Variants in BRINP3 observed in about 807,000 individuals in gnomAD.
The protein encoded by BRINP3 is BMP/retinoic acid inducible neural specific 3.
In BRINP3, 19 loss-of-function variants were observed where a neutral mutation model predicts 71.0. The observed-to-expected ratio is 0.27, with a 90% confidence interval of 0.19 to 0.39. The LOEUF is 0.39. BRINP3 is among the 10% of genes least tolerant of loss of function. The pLI is 1.00. For synonymous variants in BRINP3, 380 were observed against 337.7 expected (o/e 1.13, Z -1.37); for missense variants, 959 against 940.8 (o/e 1.02, Z -0.25).
chr1:190,310,722 A>G (rs943634891), intron 2 of BRINP3, among the ~76,000 whole-genome samples: 3 of 151,698 alleles, frequency 2.0e-5, no homozygotes, highest in Non-Finnish European at 3.0e-5. Context: ...ATATATTCAT[A>G]GAACAGTTCC....
intron 2 of BRINP3, among the ~76,000 whole-genome samples, chr1:190,363,917 A>T (rs1032793329): frequency 1.3e-5 from 2 of 152,168 alleles, no homozygotes; most frequent in Non-Finnish European, 2.9e-5. Context: ...GGAGGTACAG[A>T]TTTGAATTGA....
At chr1:190,321,986 T>C (rs1666276108) in intron 2 of BRINP3, among the ~76,000 whole-genome samples, 1 of 152,042 alleles carries the variant, frequency 6.6e-6, no homozygotes, top group South Asian at 2.1e-4. Context: ...TTTAAAACTA[T>C]TGAAATATAT....
At chr1:190,114,057 G>T (rs1423552846) in intron 7 of BRINP3, among the ~76,000 whole-genome samples, 7 of 152,170 alleles carry the variant, frequency 4.6e-5, no homozygotes, top group Admixed American at 4.6e-4. Context: ...GTTATCCTCA[G>T]TGTTAGGGTT....
chr1:190,450,924 T>C (rs1248859766), intron 2 of BRINP3, among the ~76,000 whole-genome samples: 3 of 152,146 alleles, frequency 2.0e-5, no homozygotes, highest in Non-Finnish European at 4.4e-5. Flanking sequence ...TTTTAGACCA[T>C]CTTGTCTTTC....
At chr1:190,276,537 T>G (rs911877608) in intron 3 of BRINP3, among the ~76,000 whole-genome samples, 1 of 150,530 alleles carries the variant, frequency 6.6e-6, no homozygotes, top group Non-Finnish European at 1.5e-5. Context: ...AACTTCTGAC[T>G]TACACTTTCT....
At chr1:190,411,847 A>T (rs1672687875) in intron 2 of BRINP3, among the ~76,000 whole-genome samples, 1 of 152,224 alleles carries the variant, frequency 6.6e-6, no homozygotes, top group South Asian at 2.1e-4. Flanking sequence ...AGAAAGCTAA[A>T]TCCTAAGAGC....
intron 2 of BRINP3, among the ~76,000 whole-genome samples, chr1:190,418,199 C>A (rs1357987060): frequency 6.6e-6 from 1 of 151,894 alleles, no homozygotes; most frequent in Admixed American, 6.6e-5. Flanking sequence ...AATATTTAGC[C>A]CCCCACCATG....
intron 2 of BRINP3, among the ~76,000 whole-genome samples, chr1:190,413,206 T>C (rs1672804568): frequency 6.6e-6 from 1 of 152,134 alleles, no homozygotes; most frequent in Non-Finnish European, 1.5e-5. Flanking sequence ...TGTGTGTGTG[T>C]ATGTGCACCT....
At chr1:190,141,712 A>G (rs1366324819) in intron 7 of BRINP3, among the ~76,000 whole-genome samples, 1 of 151,678 alleles carries the variant, frequency 6.6e-6, no homozygotes. Context: ...GGCGTGTGCC[A>G]TCATGCTGGG....
chr1:190,168,116 G>A (rs1205182520), intron 6 of BRINP3, among the ~76,000 whole-genome samples: 3 of 152,080 alleles, frequency 2.0e-5, no homozygotes, highest in African/African-American at 7.2e-5. Context: ...GTGCTACTTA[G>A]AAATGTTTAA....
intron 2 of BRINP3, among the ~76,000 whole-genome samples, chr1:190,437,249 T>G (rs1340878406): frequency 1.3e-5 from 2 of 151,850 alleles, no homozygotes; most frequent in African/African-American, 4.8e-5. Flanking sequence ...GGACAATTTA[T>G]TTAACTTTTT....
chr1:190,421,316 A>ATT (rs34998352), intron 2 of BRINP3, among the ~76,000 whole-genome samples: 63 of 145,546 alleles, frequency 4.3e-4, no homozygotes, highest in Middle Eastern at 7.5e-3. Context: ...TATTATTATT[A>ATT]TTATTATTAT....
intron 2 of BRINP3, among the ~76,000 whole-genome samples, chr1:190,427,572 T>C (rs1673794566): frequency 1.3e-5 from 2 of 151,944 alleles, no homozygotes; most frequent in South Asian, 4.1e-4. Flanking sequence ...AGGTAATAAT[T>C]GTTTATTAAT....
At chr1:190,466,752 C>T (rs900278947) in intron 1 of BRINP3, among the ~76,000 whole-genome samples, 8 of 151,432 alleles carry the variant, frequency 5.3e-5, no homozygotes, top group African/African-American at 1.9e-4. Context: ...GTTTTATACA[C>T]TAATATCTCT....
At chr1:190,229,271 C>T (rs1272284001) in intron 5 of BRINP3, among the ~76,000 whole-genome samples, 4 of 151,932 alleles carry the variant, frequency 2.6e-5, no homozygotes, top group African/African-American at 9.7e-5. Flanking sequence ...AAGGTTTTCT[C>T]ATGATAGTGA....
chr1:190,381,873 T>C (rs1273640580), intron 2 of BRINP3, among the ~76,000 whole-genome samples: 1 of 152,144 alleles, frequency 6.6e-6, no homozygotes, highest in East Asian at 1.9e-4. Flanking sequence ...GAAATTAACT[T>C]CTTCATATTT....
intron 6 of BRINP3, among the ~76,000 whole-genome samples, chr1:190,177,429 C>T (rs1222230045): frequency 1.3e-5 from 2 of 149,802 alleles, no homozygotes; most frequent in East Asian, 2.0e-4. Context: ...CCACCCGCCT[C>T]GGCCTCCCAA....
chr1:190,304,199 T>C (rs1474832023), intron 2 of BRINP3, among the ~76,000 whole-genome samples: 1 of 151,820 alleles, frequency 6.6e-6, no homozygotes. Flanking sequence ...ATGTTTCTTT[T>C]TTAGATTTTT....
intron 2 of BRINP3, among the ~76,000 whole-genome samples, chr1:190,422,092 T>C (rs1673425273): frequency 6.6e-6 from 1 of 151,796 alleles, no homozygotes; most frequent in African/African-American, 2.4e-5. Context: ...ATAATTGACC[T>C]GAGGATAATT....
Sources: gnomAD v4.1 joint callset for allele counts (sites outside exome capture counted in the v4.1 genomes callset) on GRCh38, gnomAD v4.1.1 for gene constraint, MANE v1.5 for transcripts, NCBI Gene and HGNC (gene_info 2026-07-23, HGNC 2026-07-21) for gene names.